Variants in SBF2 observed in about 807,000 individuals in gnomAD.
SBF2 encodes the protein SET binding factor 2, also known as myotubularin-related protein 13.
SBF2 carries 112 observed loss-of-function variants against 225.2 expected under a neutral mutation model. That is an observed-to-expected ratio of 0.50 (90% CI 0.43 to 0.58). The LOEUF (loss-of-function observed/expected upper bound fraction) is 0.58. Among genes scored for constraint, SBF2 ranks in the 20% least tolerant of loss-of-function variants. The probability of loss-of-function intolerance (pLI) is 0.00; values close to 1 mark genes in which losing one functional copy is unlikely to be tolerated. For missense variants in SBF2, 1,996 were observed against 2,206.2 expected, an observed-to-expected ratio of 0.90 and a Z score of 1.91; for synonymous variants, 763 against 773.3, an observed-to-expected ratio of 0.99 and a Z score of 0.22.
intron 6 of SBF2, 98 bp from the exon 7 acceptor site, chr11:10,002,787 T>C (rs1004552387): frequency 3.5e-6 from 4 of 1,143,688 alleles, no homozygotes; most frequent in South Asian, 2.6e-5. Context: ...GCCAGTAATT[T>C]TGGACTCTCT....
chr11:10,119,094 G>T lies in SBF2; in HGVS notation c.141+74808C>A, dbSNP rs1953311550. ...AATGTTTGAAAAAAACAGTTTTATA[G>T]GATCAAATATTTAAGGTGGAAATTC... On this transcript the variant is annotated intron_variant, in intron 2 of 39. Transcript: ENST00000256190. Among the ~76,000 whole-genome samples the T allele has an allele frequency of 2.0e-5, 3 of 152,046 alleles. No homozygotes were observed. In the South Asian group the frequency reaches 6.2e-4, roughly 31 times the overall value.
chr11:10,037,229 A>C (rs1949473393), intron 3 of SBF2, among the ~76,000 whole-genome samples: 1 of 152,176 alleles, frequency 6.6e-6, no homozygotes, highest in African/African-American at 2.4e-5. Context: ...GGAGAATCCC[A>C]TGTGGATACT....
At chr11:9,979,095 TAG>T (rs1298686232) in intron 13 of SBF2, among the ~76,000 whole-genome samples, 14 of 152,224 alleles carry the variant, frequency 9.2e-5, no homozygotes, top group Admixed American at 7.2e-4. Flanking sequence ...AACATAGGCT[TAG>T]GAAATGAATA....
chr11:9,928,561 T>A (rs1284149776), intron 16 of SBF2, among the ~76,000 whole-genome samples: 1 of 152,156 alleles, frequency 6.6e-6, no homozygotes, highest in African/African-American at 2.4e-5. Context: ...AAGTTAAAAG[T>A]ACACATACTA....
chr11:9,919,912 G>A (rs1863464594), intron 16 of SBF2, among the ~76,000 whole-genome samples: 1 of 151,728 alleles, frequency 6.6e-6, no homozygotes, highest in Non-Finnish European at 1.5e-5. Flanking sequence ...TGTATTTTTA[G>A]TAGAGACAGG....
At chr11:10,063,325 A>T (rs1310687161) in intron 2 of SBF2, among the ~76,000 whole-genome samples, 2 of 108,294 alleles carry the variant, frequency 1.8e-5, no homozygotes, top group African/African-American at 6.1e-5. Flanking sequence ...TAAAGTAAAA[A>T]AAATATATAT....
At chr11:10,279,015 C>T (rs1177844245) in intron 1 of SBF2, among the ~76,000 whole-genome samples, 1 of 146,446 alleles carries the variant, frequency 6.8e-6, no homozygotes. Context: ...GAAAGAATGG[C>T]TGAGGCCATG....
chr11:9,908,346 C>T (rs2134175350), intron 16 of SBF2, among the ~76,000 whole-genome samples: 4 of 152,308 alleles, frequency 2.6e-5, no homozygotes, highest in Admixed American at 2.6e-4. Context: ...AGATGGGGGG[C>T]TTGGTGCGGT....
chr11:9,822,368 C>A lies in SBF2; in HGVS notation c.3794-5344G>T, dbSNP rs973540955. On this transcript the variant is annotated intron_variant, in intron 28 of 39. Coordinates refer to ENST00000256190, the MANE Select transcript of SBF2 (RefSeq NM_030962.4). ...CTCCGCCTCCCGGGTTCAAGCCATT[C>A]TCCTGCCTCAGCCTCCCGCATAGCT... Among the ~76,000 whole-genome samples the A allele has an allele frequency of 1.4e-4, 21 of 150,770 alleles. No homozygotes were observed. The East Asian group carries it at 4.1e-3, about 30-fold the overall frequency.
chr11:10,047,497 A>T (rs1320032367), intron 2 of SBF2, among the ~76,000 whole-genome samples: 1 of 152,202 alleles, frequency 6.6e-6, no homozygotes, highest in Non-Finnish European at 1.5e-5. Flanking sequence ...ATACACATGC[A>T]AAGTGCTCAG....
intron 32 of SBF2, among the ~76,000 whole-genome samples, chr11:9,799,036 T>C (rs1422906105): frequency 1.3e-5 from 2 of 152,124 alleles, no homozygotes; most frequent in African/African-American, 4.8e-5. Context: ...CTATTCTTCA[T>C]AGAAACCAGA....
intron 27 of SBF2, among the ~76,000 whole-genome samples, chr11:9,831,275 A>G (rs1855382004): frequency 6.6e-6 from 1 of 152,236 alleles, no homozygotes; most frequent in African/African-American, 2.4e-5. Flanking sequence ...CTGGGACTAC[A>G]GGCATGAGCC....
chr11:10,049,728 AACTGCT>A (rs1949995597), intron 2 of SBF2, among the ~76,000 whole-genome samples: 1 of 152,196 alleles, frequency 6.6e-6, no homozygotes, highest in Admixed American at 6.5e-5. Context: ...AAAGTATGGG[AACTGCT>A]ATTTTAATGA....
intron 16 of SBF2, among the ~76,000 whole-genome samples, chr11:9,938,072 A>T (rs1333145965): frequency 6.6e-6 from 1 of 152,080 alleles, no homozygotes; most frequent in Non-Finnish European, 1.5e-5. Context: ...CGGGCGGATC[A>T]CGCGGTCAGG....
rs1287536011 is a variant in SBF2 at position 10,230,836 on chromosome 11, C to T, written c.56-36849G>A. 5.3e-5 allele frequency among the ~76,000 whole-genome samples: 8 copies of T among 152,064 alleles called. 1 individual carries two copies. ...TATCTTTGTGGCGTTCTCTGTATTT[C>T]CTGAATTTGAATGTTGGCCTGCCTT... On this transcript the variant is annotated intron_variant, in intron 1 of 39. Coordinates refer to ENST00000256190, the MANE Select transcript of SBF2 (RefSeq NM_030962.4).
At chr11:10,235,149 T>C (rs148827992) in intron 1 of SBF2, among the ~76,000 whole-genome samples, 6 of 152,370 alleles carry the variant, frequency 3.9e-5, no homozygotes, top group South Asian at 2.1e-4. Context: ...TTTTTGAGTA[T>C]TGAATAAATA....
intron 22 of SBF2, among the ~76,000 whole-genome samples, chr11:9,848,853 T>G (rs1399526537): frequency 2.6e-5 from 4 of 152,278 alleles, no homozygotes; most frequent in Admixed American, 6.5e-5. Flanking sequence ...GCGCATTATA[T>G]GGTAAGCAGT....
chr11:10,185,283 G>A lies in SBF2; in HGVS notation c.141+8619C>T, dbSNP rs1003745584. Among the ~76,000 whole-genome samples, 9 of 152,306 alleles carry A rather than the reference G, an allele frequency of 5.9e-5. No individual in the cohort carries two copies. In the Middle Eastern group the frequency reaches 0.01, roughly 173 times the overall value. ...TTTCAGTTCTTTTAGGATATACCCAGAAGTGAAATTGTTAGGTCATATGGT... is the reference window on the plus strand; with the variant it reads ...TTTCAGTTCTTTTAGGATATACCCAAAAGTGAAATTGTTAGGTCATATGGT... On this transcript the variant is annotated intron_variant, in intron 2 of 39. Transcript: ENST00000256190.
intron 1 of SBF2, among the ~76,000 whole-genome samples, chr11:10,278,134 C>T (rs1483144852): frequency 1.3e-5 from 2 of 152,284 alleles, no homozygotes; most frequent in Admixed American, 1.3e-4. Flanking sequence ...TCAATCTATA[C>T]TGTTTGAAAT....
Sources: gnomAD v4.1 joint callset for allele counts (sites outside exome capture counted in the v4.1 genomes callset) on GRCh38, gnomAD v4.1.1 for gene constraint, MANE v1.5 for transcripts, NCBI Gene and HGNC (gene_info 2026-07-23, HGNC 2026-07-21) for gene names.